Variants in PHLDB2 observed in about 807,000 individuals in gnomAD.
PHLDB2 encodes pleckstrin homology like domain family B member 2, also known as pleckstrin homology-like domain family B member 2.
A neutral mutation model predicts 123.6 loss-of-function variants in PHLDB2; 71 were observed. The observed-to-expected ratio is 0.57, with a 90% CI of 0.47 to 0.70. The LOEUF (loss-of-function observed/expected upper bound fraction) is 0.70. PHLDB2 is among the 30% of genes least tolerant of loss of function. The probability of loss-of-function intolerance (pLI) is 0.00; values close to 1 mark genes in which losing one functional copy is unlikely to be tolerated. For synonymous variants in PHLDB2, 547 were observed against 541.6 expected (o/e 1.01, Z -0.14); for missense variants, 1,446 against 1,519.5 (o/e 0.95, Z 0.80).
chr3:111,913,073 C>A (rs9819688), intron 2 of PHLDB2, among the ~76,000 whole-genome samples: 47,847 of 152,078 alleles, frequency 0.31, 7,829 homozygotes, highest in Middle Eastern at 0.38. Context: ...CTGTGATATA[C>A]CAATAAAGGG....
At chr3:111,829,671 T>C (rs1293789443) in intron 1 of PHLDB2, among the ~76,000 whole-genome samples, 4 of 151,740 alleles carry the variant, frequency 2.6e-5, no homozygotes, top group Non-Finnish European at 5.9e-5. Context: ...ACCATGTTGG[T>C]CAGGGTGGTC....
chr3:111,780,404 A>AAGAAGG (rs2060415967), intron 1 of PHLDB2, among the ~76,000 whole-genome samples: 1 of 146,102 alleles, frequency 6.8e-6, no homozygotes, highest in African/African-American at 2.6e-5. Context: ...GAAGAAGAAG[A>AAGAAGG]AGAAGAAAAA....
chr3:111,811,291 T>C (rs2061826179), intron 1 of PHLDB2, among the ~76,000 whole-genome samples: 1 of 152,176 alleles, frequency 6.6e-6, no homozygotes, highest in African/African-American at 2.4e-5. Flanking sequence ...CAGAAAGTAA[T>C]CATTGCTATA....
In PHLDB2 at chr3:111,749,798, C is replaced by T. The variant is rs531489677; in HGVS notation, c.-49+17095C>T. Among the ~76,000 whole-genome samples the T allele has an allele frequency of 3.9e-5, 6 of 152,178 alleles. No homozygotes were observed. In the South Asian group the frequency reaches 1.0e-3, roughly 26 times the overall value. ...GAAAGTCCTTTAAAGAACTGTTCTACGACACTGAAACAGTCTAATTAAACC... is the reference window on the plus strand; with the variant it reads ...GAAAGTCCTTTAAAGAACTGTTCTATGACACTGAAACAGTCTAATTAAACC... On this transcript the variant is annotated intron_variant, in intron 1 of 17. Transcript: ENST00000393923.
chr3:111,953,583 T>A (rs556709741), intron 11 of PHLDB2, among the ~76,000 whole-genome samples: 2 of 152,320 alleles, frequency 1.3e-5, no homozygotes, highest in South Asian at 4.1e-4. Context: ...CCTGTTCTTT[T>A]GCATGGTGCG....
chr3:111,751,929 G>A (rs2059784284), intron 1 of PHLDB2, among the ~76,000 whole-genome samples: 1 of 152,264 alleles, frequency 6.6e-6, no homozygotes, highest in African/African-American at 2.4e-5. Context: ...CTGCATCTCA[G>A]AGAATCTATT....
intron 1 of PHLDB2, among the ~76,000 whole-genome samples, chr3:111,806,647 G>T (rs904577888): frequency 2.6e-5 from 4 of 151,802 alleles, no homozygotes; most frequent in African/African-American, 9.7e-5. Flanking sequence ...CAGCACACCT[G>T]GCTAATTTTT....
chr3:111,740,576 C>T (rs983758098), intron 1 of PHLDB2, among the ~76,000 whole-genome samples: 2 of 151,896 alleles, frequency 1.3e-5, no homozygotes, highest in Non-Finnish European at 2.9e-5. Flanking sequence ...TAACTAACTT[C>T]TTCTTAGGTA....
intron 1 of PHLDB2, among the ~76,000 whole-genome samples, chr3:111,881,842 A>T (rs2065943782): frequency 6.6e-6 from 1 of 151,736 alleles, no homozygotes; most frequent in Non-Finnish European, 1.5e-5. Flanking sequence ...ATCTCCAAAA[A>T]ATTTTCCAGT....
chr3:111,732,903 A>G (rs13325336), intron 1 of PHLDB2, among the ~76,000 whole-genome samples: 29,668 of 152,108 alleles, frequency 0.2, 3,092 homozygotes, highest in African/African-American at 0.23. Context: ...ATCTCTTCTG[A>G]AAATTGTTGT....
chr3:111,931,188 C>A (rs764035687), intron 5 of PHLDB2, among the ~76,000 whole-genome samples: 6 of 152,168 alleles, frequency 3.9e-5, no homozygotes, highest in Non-Finnish European at 8.8e-5. Context: ...AGGTGGTGGT[C>A]ATTTCACTTA....
intron 1 of PHLDB2, among the ~76,000 whole-genome samples, chr3:111,734,403 C>T (rs1219048496): frequency 1.3e-5 from 2 of 152,104 alleles, no homozygotes; most frequent in Non-Finnish European, 2.9e-5. Flanking sequence ...CAAAGTGAGC[C>T]TCTGTCTCTA....
At chr3:111,855,409 CTT>C (rs1277463640), upstream of PHLDB2, among the ~76,000 whole-genome samples, 15 of 109,740 alleles carry the variant, frequency 1.4e-4, no homozygotes, top group African/African-American at 4.7e-4. Flanking sequence ...CTCTTTCTTC[CTT>C]CCTTCCTTCC....
chr3:111,875,691 T>A (rs542692756), intron 1 of PHLDB2, among the ~76,000 whole-genome samples: 2 of 151,274 alleles, frequency 1.3e-5, no homozygotes, highest in Non-Finnish European at 2.9e-5. Context: ...GGCATGGTGG[T>A]ACACACCTGT....
chr3:111,948,721 T>A (rs1416915533), intron 9 of PHLDB2, among the ~76,000 whole-genome samples: 2 of 152,190 alleles, frequency 1.3e-5, no homozygotes, highest in Admixed American at 1.3e-4. Flanking sequence ...ATCAGAAAAA[T>A]TATGTTTAAT....
intron 13 of PHLDB2, among the ~76,000 whole-genome samples, chr3:111,963,000 G>A (rs1410522241): frequency 6.6e-6 from 1 of 152,006 alleles, no homozygotes; most frequent in Non-Finnish European, 1.5e-5. Context: ...CAGAACTTTG[G>A]AGGATTTCTT....
At chr3:111,896,692 C>T (rs2066892993) in intron 2 of PHLDB2, among the ~76,000 whole-genome samples, 3 of 150,416 alleles carry the variant, frequency 2.0e-5, no homozygotes, top group African/African-American at 7.4e-5. Context: ...TCTTCCCCAG[C>T]TTGAGAAAAG....
At chr3:111,784,208 G>A (rs947915957) in intron 1 of PHLDB2, among the ~76,000 whole-genome samples, 21 of 152,216 alleles carry the variant, frequency 1.4e-4, no homozygotes, top group African/African-American at 4.3e-4. Context: ...ACATATGTCC[G>A]AACAGGAATT....
At chr3:111,932,927 G>T (rs996050910) in intron 6 of PHLDB2, among the ~76,000 whole-genome samples, 1 of 152,164 alleles carries the variant, frequency 6.6e-6, no homozygotes, top group Non-Finnish European at 1.5e-5. Context: ...GACCCAAGAT[G>T]CAGGGCATTA....
Sources: gnomAD v4.1 joint callset for allele counts (sites outside exome capture counted in the v4.1 genomes callset) on GRCh38, gnomAD v4.1.1 for gene constraint, MANE v1.5 for transcripts, NCBI Gene and HGNC (gene_info 2026-07-23, HGNC 2026-07-21) for gene names.